SGCZ: variants seen among roughly 807,000 people sequenced by gnomAD.
The protein encoded by SGCZ is sarcoglycan zeta.
In SGCZ, 40 loss-of-function variants were observed where a neutral mutation model predicts 41.3. That is an observed-to-expected ratio of 0.97 (90% confidence interval 0.75 to 1.26). The LOEUF (loss-of-function observed/expected upper bound fraction) is 1.26. Ranked by LOEUF, SGCZ falls within the 50% of genes most tolerant of loss-of-function variation. SGCZ has a pLI of 0.00. For synonymous variants in SGCZ, 206 were observed against 137.5 expected (o/e 1.50, Z -3.49); for missense variants, 552 against 369.8 (o/e 1.49, Z -4.04).
intron 7 of SGCZ, among the ~76,000 whole-genome samples, chr8:14,102,007 C>G (rs934116974): frequency 6.6e-6 from 1 of 150,412 alleles, no homozygotes; most frequent in Non-Finnish European, 1.5e-5. Flanking sequence ...AATGGGTTGA[C>G]GACATTCTCC....
intron 1 of SGCZ, among the ~76,000 whole-genome samples, chr8:14,727,886 TTA>T (rs1452676224): frequency 6.6e-6 from 1 of 152,134 alleles, no homozygotes; most frequent in Non-Finnish European, 1.5e-5. Context: ...GTTATTTGTG[TTA>T]TACACATAAT....
At chr8:14,340,282 G>A (rs1259785135) in intron 2 of SGCZ, among the ~76,000 whole-genome samples, 2 of 152,020 alleles carry the variant, frequency 1.3e-5, no homozygotes, top group South Asian at 4.1e-4. Flanking sequence ...CAGTATCCAA[G>A]GAAAATATGA....
intron 1 of SGCZ, among the ~76,000 whole-genome samples, chr8:14,765,811 A>C (rs1800017995): frequency 6.6e-6 from 1 of 152,150 alleles, no homozygotes; most frequent in Non-Finnish European, 1.5e-5. Context: ...CCCAACTATC[A>C]CACAGCCTGC....
intron 1 of SGCZ, among the ~76,000 whole-genome samples, chr8:14,999,378 T>A (rs1214202697): frequency 6.6e-6 from 1 of 152,124 alleles, no homozygotes; most frequent in South Asian, 2.1e-4. Context: ...TTCCAAAGAA[T>A]AAGTAAAATG....
intron 1 of SGCZ, among the ~76,000 whole-genome samples, chr8:14,642,783 A>C (rs1807070773): frequency 6.6e-6 from 1 of 151,612 alleles, no homozygotes; most frequent in Non-Finnish European, 1.5e-5. Context: ...ATATCTAAGC[A>C]AAGTAATACA....
intron 1 of SGCZ, among the ~76,000 whole-genome samples, chr8:15,100,425 C>T (rs1028844129): frequency 4.1e-5 from 6 of 147,534 alleles, no homozygotes; most frequent in African/African-American, 1.2e-4. Context: ...TGAGGAAAAC[C>T]GCAAAATACT....
At chr8:15,203,049 G>A (rs929489927) in intron 1 of SGCZ, among the ~76,000 whole-genome samples, 1 of 151,992 alleles carries the variant, frequency 6.6e-6, no homozygotes, top group African/African-American at 2.4e-5. Context: ...GGTGGAAGTT[G>A]AAGTGAGTTG....
chr8:15,048,172 T>C (rs1351723631), intron 1 of SGCZ, among the ~76,000 whole-genome samples: 3 of 152,028 alleles, frequency 2.0e-5, no homozygotes, highest in African/African-American at 7.2e-5. Context: ...AACCTGTCAT[T>C]TGCAGCAACA....
intron 1 of SGCZ, among the ~76,000 whole-genome samples, chr8:14,745,043 T>C (rs35827972): frequency 1.3e-5 from 2 of 152,226 alleles, no homozygotes; most frequent in East Asian, 3.9e-4. Context: ...ATATTTACTC[T>C]GTATAACGTA....
intron 1 of SGCZ, among the ~76,000 whole-genome samples, chr8:15,135,101 A>G (rs901008561): frequency 2.0e-5 from 3 of 152,174 alleles, no homozygotes; most frequent in African/African-American, 7.2e-5. Context: ...TTTCAGGCTG[A>G]GAAAAATTAT....
chr8:14,877,567 G>A (rs1200852094), intron 1 of SGCZ, among the ~76,000 whole-genome samples: 1 of 151,946 alleles, frequency 6.6e-6, no homozygotes, highest in African/African-American at 2.4e-5. Context: ...TCTAAGCATA[G>A]ATATTTCTTC....
chr8:14,181,554 T>G (rs999894383), intron 4 of SGCZ, among the ~76,000 whole-genome samples: 1 of 152,152 alleles, frequency 6.6e-6, no homozygotes, highest in Non-Finnish European at 1.5e-5. Context: ...CACCCTGAAT[T>G]GTAATAATCC....
rs545933994 is a variant in SGCZ, at chr8:14,881,262, G to C, written c.40-326336C>G. 1.4e-4 allele frequency among the ~76,000 whole-genome samples: 21 copies of C among 152,152 alleles called. No individual in the cohort carries two copies. The South Asian group carries it at 4.4e-3, about 32-fold the overall frequency. ...ATCATAATCATTATTTTGTGGCATA[G>C]TATCATGATCAATTAGTGCATACAC... On this transcript the variant is annotated intron_variant, in intron 1 of 7. Coordinates refer to ENST00000382080, the MANE Select transcript of SGCZ (RefSeq NM_139167.4).
At chr8:14,649,504 G>C (rs60153070) in intron 1 of SGCZ, among the ~76,000 whole-genome samples, 12,799 of 151,482 alleles carry the variant, frequency 0.084, 1,246 homozygotes, top group East Asian at 0.54. Flanking sequence ...GGCAAAGATG[G>C]AAGAACAGGT....
chr8:15,097,886 GTGTATATATATA>G (rs1563124114), intron 1 of SGCZ, among the ~76,000 whole-genome samples: 4 of 19,016 alleles, frequency 2.1e-4, no homozygotes, highest in African/African-American at 5.6e-4. Context: ...ATATATACGT[GTGTATATATATA>G]TATATATATA....
intron 1 of SGCZ, among the ~76,000 whole-genome samples, chr8:14,952,168 A>G (rs1394762752): frequency 1.3e-5 from 2 of 152,128 alleles, no homozygotes; most frequent in African/African-American, 4.8e-5. Context: ...TTTTTCATAA[A>G]TCCGAGTTAC....
intron 1 of SGCZ, among the ~76,000 whole-genome samples, chr8:14,869,869 C>T (rs765866835): frequency 6.6e-6 from 1 of 152,068 alleles, no homozygotes; most frequent in Non-Finnish European, 1.5e-5. Flanking sequence ...ATCCAACTTA[C>T]AAGGAATGTG....
In SGCZ at chr8:14,199,612, G is replaced by A. The variant is rs974290309; in HGVS notation, c.425-34910C>T. 2.5e-4 allele frequency among the ~76,000 whole-genome samples: 38 copies of A among 152,046 alleles called. No individual in the cohort carries two copies. In the Middle Eastern group the frequency reaches 0.01, roughly 41 times the overall value. On this transcript the variant is annotated intron_variant, in intron 4 of 7. Coordinates refer to ENST00000382080, the MANE Select transcript of SGCZ (RefSeq NM_139167.4). Reference sequence around the variant, plus strand: ...GGGGGGCATCACGGAACCTGCTGACGTGTGATGTCTCCCCCGGACACGCAG... The same window carrying A: ...GGGGGGCATCACGGAACCTGCTGACATGTGATGTCTCCCCCGGACACGCAG...
chr8:14,621,436 TA>T (rs1031732594), intron 1 of SGCZ, among the ~76,000 whole-genome samples: 8 of 145,974 alleles, frequency 5.5e-5, no homozygotes, highest in South Asian at 4.3e-4. Flanking sequence ...TAAAGTATAA[TA>T]AAAAAATAAA....
Sources: allele counts gnomAD v4.1 joint callset (sites outside exome capture counted in the v4.1 genomes callset), GRCh38; gene constraint gnomAD v4.1.1; transcripts MANE v1.5; gene names NCBI Gene and HGNC (gene_info 2026-07-23, HGNC 2026-07-21).